Variants in CADM2 observed in about 807,000 individuals in gnomAD.
CADM2 encodes the protein cell adhesion molecule 2, also known as immunoglobulin superfamily member 4D.
CADM2 carries 12 observed loss-of-function variants against 49.8 expected under a neutral mutation model. The ratio of observed to expected loss-of-function variants is 0.24; its 90% CI spans 0.15 to 0.39. The LOEUF (loss-of-function observed/expected upper bound fraction) is 0.39, where lower values mean the gene tolerates loss of function less well. CADM2 is among the 10% of genes least tolerant of loss of function. CADM2 has a pLI of 1.00. For synonymous variants in CADM2, 214 were observed against 175.4 expected (o/e 1.22, Z -1.74); for missense variants, 378 against 492.3 (o/e 0.77, Z 2.20).
intron 1 of CADM2, among the ~76,000 whole-genome samples, chr3:85,487,514 G>C (rs891142320): frequency 6.6e-6 from 1 of 151,702 alleles, no homozygotes; most frequent in Admixed American, 6.6e-5. Flanking sequence ...GGAGGAAGTG[G>C]AGGAGGAGAA....
rs562463872 is a variant in CADM2 at position 85,927,900 on chromosome 3, G to A, written c.701-7867G>A. ...TTCTTTTTATTTATCTACAAAATCT[G>A]GTGATGGATAAATTTTGTTAAGCCA... On this transcript the variant is annotated intron_variant, in intron 6 of 9. Transcript: ENST00000383699. Among the ~76,000 whole-genome samples the A allele has an allele frequency of 6.6e-5, 10 of 152,088 alleles. No homozygotes were observed. In the South Asian group the frequency reaches 1.7e-3, roughly 25 times the overall value.
intron 3 of CADM2, among the ~76,000 whole-genome samples, chr3:85,850,314 CTTTTTTTTTTTTTTTT>C (rs577604958): frequency 1.3e-5 from 1 of 76,062 alleles, no homozygotes; most frequent in Non-Finnish European, 2.5e-5. Flanking sequence ...TGTTGCAATT[CTTTTTTTTTTTTTTTT>C]TTTTTTTTTT....
intron 1 of CADM2, among the ~76,000 whole-genome samples, chr3:85,416,032 A>T (rs1329351186): frequency 3.3e-5 from 5 of 152,150 alleles, no homozygotes; most frequent in African/African-American, 1.2e-4. Context: ...ACAGATGATC[A>T]TAAAAAATAT....
chr3:86,003,358 C>A (rs1260247328), intron 8 of CADM2, among the ~76,000 whole-genome samples: 1 of 152,058 alleles, frequency 6.6e-6, no homozygotes, highest in Non-Finnish European at 1.5e-5. Context: ...GTAATAAATC[C>A]TTTTTTCTCT....
At chr3:85,980,283 T>C (rs1727318397) in intron 8 of CADM2, among the ~76,000 whole-genome samples, 4 of 151,520 alleles carry the variant, frequency 2.6e-5, no homozygotes, top group African/African-American at 9.7e-5. Flanking sequence ...AGCATTATTA[T>C]TCATAATTAT....
chr3:86,017,595 AGCATACAC>A (rs1732449807), intron 8 of CADM2, among the ~76,000 whole-genome samples: 2 of 151,802 alleles, frequency 1.3e-5, no homozygotes, highest in Non-Finnish European at 2.9e-5. Context: ...CGGGCACAGT[AGCATACAC>A]GTGTAGTCTC....
intron 3 of CADM2, among the ~76,000 whole-genome samples, chr3:85,859,358 G>A (rs576974293): frequency 6.8e-6 from 1 of 146,036 alleles, no homozygotes; most frequent in Admixed American, 7.2e-5. Context: ...AGCCTCTTAA[G>A]TAGCTAGGAC....
chr3:85,712,867 A>G (rs938081980), intron 1 of CADM2, among the ~76,000 whole-genome samples: 1 of 152,168 alleles, frequency 6.6e-6, no homozygotes, highest in Non-Finnish European at 1.5e-5. Flanking sequence ...TAAATAAAAT[A>G]TCTTATGTCC....
intron 1 of CADM2, among the ~76,000 whole-genome samples, chr3:85,422,986 G>A (rs191656069): frequency 4.6e-5 from 7 of 152,188 alleles, no homozygotes; most frequent in Non-Finnish European, 7.4e-5. Context: ...CTTCTCCTGC[G>A]TCCAGGAAGA....
chr3:85,802,163 G>T lies in CADM2; in HGVS notation c.205G>T (p.Ala69Ser), dbSNP rs768498663. The change falls in exon 3 of 10, where the codon GCT (alanine) becomes TCT (serine). Residue 69 changes from alanine (A) to serine (S), a missense_variant. Physicochemically the swap from Ala to Ser is moderately conservative, Grantham distance 99 (BLOSUM62 1). Transcript: ENST00000383699. ...DNTSLQWSNP[A>S]QQTLYFDDKK... Reference sequence around the variant, plus strand: ...CACCTCCCTCCAGTGGTCAAATCCAGCTCAACAGACTCTGTACTTTGACGA... The same window carrying T: ...CACCTCCCTCCAGTGGTCAAATCCATCTCAACAGACTCTGTACTTTGACGA... The T allele has an allele frequency of 8.1e-6, 13 of 1,612,624 alleles. No homozygotes were observed. In the Admixed American group the frequency reaches 2.2e-4, roughly 27 times the overall value.
intron 1 of CADM2, among the ~76,000 whole-genome samples, chr3:85,547,831 T>A (rs2061703288): frequency 6.6e-6 from 1 of 151,918 alleles, no homozygotes; most frequent in African/African-American, 2.4e-5. Flanking sequence ...AGCAAAAATC[T>A]TAGCATGGAG....
intron 3 of CADM2, among the ~76,000 whole-genome samples, chr3:85,839,035 C>T (rs1449631786): frequency 6.6e-6 from 1 of 151,568 alleles, no homozygotes; most frequent in African/African-American, 2.4e-5. Flanking sequence ...TTTGTCAAGC[C>T]CCTCTCTTTA....
intron 1 of CADM2, among the ~76,000 whole-genome samples, chr3:85,548,696 A>G (rs1209742603): frequency 5.3e-5 from 8 of 152,198 alleles, no homozygotes; most frequent in Non-Finnish European, 2.9e-5. Context: ...CTAGAATTGC[A>G]ATAGTATTTT....
chr3:85,759,355 C>T (rs997903211), intron 2 of CADM2, among the ~76,000 whole-genome samples: 15 of 151,984 alleles, frequency 9.9e-5, no homozygotes, highest in Admixed American at 2.6e-4. Context: ...TTTTAACACA[C>T]GAATATGGTC....
At chr3:85,765,556 C>T (rs1399159777) in intron 2 of CADM2, among the ~76,000 whole-genome samples, 1 of 151,982 alleles carries the variant, frequency 6.6e-6, no homozygotes, top group Non-Finnish European at 1.5e-5. Flanking sequence ...TTCCTGGGAG[C>T]TTTTCAATTT....
At chr3:85,470,505 T>C (rs2038720058) in intron 1 of CADM2, among the ~76,000 whole-genome samples, 1 of 152,172 alleles carries the variant, frequency 6.6e-6, no homozygotes, top group Non-Finnish European at 1.5e-5. Context: ...GGGAAGACTT[T>C]GTGAGAGTTC....
intron 1 of CADM2, among the ~76,000 whole-genome samples, chr3:85,401,591 C>T (rs1271244625): frequency 6.6e-6 from 1 of 152,068 alleles, no homozygotes; most frequent in South Asian, 2.1e-4. Context: ...ATTCTGGATG[C>T]CCAGAAAATC....
At chr3:85,755,986 A>G (rs912276723) in intron 2 of CADM2, among the ~76,000 whole-genome samples, 1 of 152,138 alleles carries the variant, frequency 6.6e-6, no homozygotes, top group Non-Finnish European at 1.5e-5. Flanking sequence ...ACCTCTAATC[A>G]CTTGGCAAGC....
intron 2 of CADM2, among the ~76,000 whole-genome samples, chr3:85,772,008 C>CTTTTTT (rs397938377): frequency 1.2e-4 from 13 of 112,204 alleles, no homozygotes; most frequent in Middle Eastern, 5.1e-3. Flanking sequence ...TTCTTTCTTT[C>CTTTTTT]TTTTTTTTTT....
Sources: allele counts gnomAD v4.1 joint callset (sites outside exome capture counted in the v4.1 genomes callset), GRCh38; gene constraint gnomAD v4.1.1; transcripts MANE v1.5; gene names NCBI Gene and HGNC (gene_info 2026-07-23, HGNC 2026-07-21).